The following ARHGAP24 variants were observed in gnomAD, a reference collection of about 807,000 sequenced individuals.
ARHGAP24 encodes the protein Rho GTPase activating protein 24.
Under a neutral mutation model 76.4 loss-of-function variants are expected in ARHGAP24, and 50 were observed. The observed-to-expected ratio is 0.65, with a 90% confidence interval of 0.52 to 0.83. The LOEUF is 0.83. Ranked by LOEUF, ARHGAP24 falls within the 40% of genes least tolerant of loss-of-function variation. The pLI is 0.00. For synonymous variants in ARHGAP24, 345 were observed against 323.3 expected, an observed-to-expected ratio of 1.07 and a Z score of -0.72; for missense variants, 930 against 914.2, an observed-to-expected ratio of 1.02 and a Z score of -0.22.
intron 3 of ARHGAP24, among the ~76,000 whole-genome samples, chr4:85,764,593 G>A (rs7674888): frequency 0.22 from 34,159 of 151,894 alleles, 4,080 homozygotes; most frequent in Admixed American, 0.29. Context: ...ACAGAAACAG[G>A]AGGTCCATTC....
intron 2 of ARHGAP24, among the ~76,000 whole-genome samples, chr4:85,585,284 A>G (rs1727807925): frequency 6.6e-6 from 1 of 152,244 alleles, no homozygotes; most frequent in Non-Finnish European, 1.5e-5. Flanking sequence ...TCAGAGCAGT[A>G]GCTGATGATT....
chr4:85,896,656 C>T (rs948728715), intron 3 of ARHGAP24, among the ~76,000 whole-genome samples: 1 of 152,134 alleles, frequency 6.6e-6, no homozygotes, highest in Non-Finnish European at 1.5e-5. Context: ...CTTTTACTGC[C>T]TCCCTCTTCT....
At position 85,751,859 on chromosome 4, in the gene ARHGAP24, C is replaced by G. The variant is rs79285215; in HGVS notation, c.268+29887C>G. Among the ~76,000 whole-genome samples the G allele has an allele frequency of 4.6e-3, 705 of 152,286 alleles. 3 individuals are homozygous for G. Among genetic ancestry groups the G allele is most frequent in the Non-Finnish European group, 5.5e-3 (377 of 68,028 alleles). ...GAATGACATTAGGTAAATCATTTAA[C>G]CTCTCCAGTTTGATTCAAATAATGA... On this transcript the variant is annotated intron_variant, in intron 3 of 9. Coordinates refer to ENST00000395184, the MANE Select transcript of ARHGAP24 (RefSeq NM_001025616.3).
chr4:85,696,496 A>C (rs187166685), intron 2 of ARHGAP24, among the ~76,000 whole-genome samples: 1 of 152,336 alleles, frequency 6.6e-6, no homozygotes, highest in Admixed American at 6.5e-5. Context: ...GAATTCAATA[A>C]GCAGAATGAT....
chr4:85,484,028 G>T (rs1722924165), intron 1 of ARHGAP24, among the ~76,000 whole-genome samples: 1 of 152,230 alleles, frequency 6.6e-6, no homozygotes, highest in Non-Finnish European at 1.5e-5. Flanking sequence ...CATTGATATT[G>T]TATTGATTGA....
intron 2 of ARHGAP24, among the ~76,000 whole-genome samples, chr4:85,647,779 T>C (rs762430113): frequency 6.6e-6 from 1 of 152,130 alleles, no homozygotes; most frequent in Non-Finnish European, 1.5e-5. Context: ...GTGAACATTA[T>C]AAGACCAGTC....
At chr4:85,645,165 G>C (rs1453240061) in intron 2 of ARHGAP24, among the ~76,000 whole-genome samples, 1 of 152,014 alleles carries the variant, frequency 6.6e-6, no homozygotes, top group Non-Finnish European at 1.5e-5. Flanking sequence ...AAAAATTCCA[G>C]ACAGTTTAAT....
chr4:85,844,485 T>G (rs1474032558), intron 3 of ARHGAP24, among the ~76,000 whole-genome samples: 1 of 152,224 alleles, frequency 6.6e-6, no homozygotes, highest in Non-Finnish European at 1.5e-5. Flanking sequence ...TAGTCTTCTA[T>G]TCCACAGAGT....
At chr4:85,676,042 C>G (rs1486998130) in intron 2 of ARHGAP24, among the ~76,000 whole-genome samples, 2 of 152,042 alleles carry the variant, frequency 1.3e-5, no homozygotes, top group African/African-American at 4.8e-5. Flanking sequence ...AAACAGTTTC[C>G]TAAGTTATAA....
chr4:85,704,371 A>G (rs1724218365), intron 2 of ARHGAP24, among the ~76,000 whole-genome samples: 1 of 152,184 alleles, frequency 6.6e-6, no homozygotes, highest in Admixed American at 6.6e-5. Flanking sequence ...AATGTGTTGA[A>G]GTCTTGGCAT....
At chr4:85,740,662 G>A (rs1429508112) in intron 3 of ARHGAP24, among the ~76,000 whole-genome samples, 1 of 152,130 alleles carries the variant, frequency 6.6e-6, no homozygotes, top group Non-Finnish European at 1.5e-5. Context: ...ATAAATATGA[G>A]GACTATTATA....
intron 3 of ARHGAP24, among the ~76,000 whole-genome samples, chr4:85,912,427 T>TTGCAAAA (rs1348485296): frequency 2.0e-5 from 3 of 152,188 alleles, no homozygotes; most frequent in Non-Finnish European, 4.4e-5. Context: ...GCTGTTGTGA[T>TTGCAAAA]TGCAAACCAA....
chr4:85,840,017 CT>C (rs70948759), intron 3 of ARHGAP24, among the ~76,000 whole-genome samples: 2,078 of 115,902 alleles, frequency 0.018, 27 homozygotes, highest in African/African-American at 0.054. Flanking sequence ...GCCTGGCTAA[CT>C]TTTTTTTTTT....
At chr4:85,931,910 C>T (rs1736356602) in intron 4 of ARHGAP24, among the ~76,000 whole-genome samples, 1 of 152,186 alleles carries the variant, frequency 6.6e-6, no homozygotes, top group East Asian at 1.9e-4. Context: ...AGTTGAATGA[C>T]ATCTAGGGTT....
intron 2 of ARHGAP24, among the ~76,000 whole-genome samples, chr4:85,687,782 T>C (rs188886035): frequency 6.6e-6 from 1 of 152,246 alleles, no homozygotes; most frequent in African/African-American, 2.4e-5. Context: ...ATATGCCCAG[T>C]AATGGAACTC....
intron 1 of ARHGAP24, among the ~76,000 whole-genome samples, chr4:85,513,821 A>T (rs960400949): frequency 2.0e-5 from 3 of 151,534 alleles, no homozygotes; most frequent in Admixed American, 6.6e-5. Context: ...TCTCTTCTCC[A>T]CTCTTCAGAT....
intron 2 of ARHGAP24, among the ~76,000 whole-genome samples, chr4:85,571,466 G>A (rs1560537265): frequency 1.3e-5 from 2 of 152,194 alleles, no homozygotes; most frequent in South Asian, 2.1e-4. Flanking sequence ...TTTCATCTAC[G>A]TCTATAGGAT....
intron 3 of ARHGAP24, among the ~76,000 whole-genome samples, chr4:85,875,488 T>TATATTATATATAATATATATTATA (rs1560689061): frequency 1.2e-5 from 1 of 80,802 alleles, no homozygotes; most frequent in East Asian, 4.5e-4. Context: ...TCTTATATAT[T>TATATTATATATAATATATATTATA]ATATTATATA....
intron 3 of ARHGAP24, among the ~76,000 whole-genome samples, chr4:85,745,801 G>T (rs1353694607): frequency 6.6e-6 from 1 of 152,132 alleles, no homozygotes; most frequent in Non-Finnish European, 1.5e-5. Context: ...TCCTGGAGAA[G>T]TTTGTTGGAG....
Sources: allele counts gnomAD v4.1 joint callset (sites outside exome capture counted in the v4.1 genomes callset), GRCh38; gene constraint gnomAD v4.1.1; transcripts MANE v1.5; gene names NCBI Gene and HGNC (gene_info 2026-07-23, HGNC 2026-07-21).